SH2D6: variants seen among roughly 807,000 people sequenced by gnomAD.
SH2D6 encodes the protein SH2 domain-containing protein 6.
SH2D6 carries 31 observed loss-of-function variants against 30.2 expected under a neutral mutation model. The observed-to-expected ratio is 1.03, with a 90% CI of 0.77 to 1.38. The LOEUF (loss-of-function observed/expected upper bound fraction) is 1.38, where lower values mean the gene tolerates loss of function less well. SH2D6 is among the 40% of genes most tolerant of loss of function. SH2D6 has a pLI of 0.00. For synonymous variants in SH2D6, 93 were observed against 104.6 expected (o/e 0.89, Z 0.68); for missense variants, 240 against 266.8 (o/e 0.90, Z 0.70).
chr2:85,420,166 G>A (rs565294359), intron 2 of SH2D6, among the ~76,000 whole-genome samples: 19 of 152,182 alleles, frequency 1.2e-4, no homozygotes, highest in African/African-American at 3.1e-4. Context: ...GTGCAGTGGC[G>A]CAATCTCGGT....
intron 22 of SH2D6, 92 bp downstream of exon 22, chr2:85,435,916 T>C: frequency 7.1e-7 from 1 of 1,416,902 alleles, no homozygotes; most frequent in Non-Finnish European, 9.3e-7. Context: ...AAAATCTTCA[T>C]TTTGTATCTT....
intron 13 of SH2D6, among the ~76,000 whole-genome samples, chr2:85,431,683 C>G (rs999929802): frequency 3.3e-5 from 5 of 152,236 alleles, no homozygotes; most frequent in Non-Finnish European, 7.3e-5. Context: ...TTGAAAGCTA[C>G]TACCTTTATC....
intron 16 of SH2D6, 65 bp from the exon 17 acceptor site, chr2:85,433,968 C>T: frequency 7.2e-7 from 1 of 1,380,764 alleles, no homozygotes; most frequent in Non-Finnish European, 1.0e-6. Flanking sequence ...CTCAGCCCTG[C>T]CCTGGTCAGC....
chr2:85,431,049 C>G (rs1290784787), intron 12 of SH2D6, among the ~76,000 whole-genome samples, 161 bp from the exon 13 acceptor site: 3 of 152,130 alleles, frequency 2.0e-5, no homozygotes, highest in African/African-American at 7.2e-5. Context: ...GGGAAACTGC[C>G]CGCCTCCAGT....
At chr2:85,433,070 G>A (rs752805385) in intron 14 of SH2D6, 29 bp from the exon 15 acceptor site, 1 of 985,960 alleles carries the variant, frequency 1.0e-6, no homozygotes, top group Non-Finnish European at 1.2e-6. Flanking sequence ...TGCCGTGCAT[G>A]ACAGGTGGTT....
Position 85,433,124 on chromosome 2 carries a change from G to C in SH2D6, c.393+3G>C. ...AGCAGGGTGCATCGTCCAGAGTGGT[G>C]AGCAGCCCCTCCATTTCCACCTCAG... On this transcript the variant is annotated splice_donor_region_variant and intron_variant, in intron 15 of 23. Coordinates refer to ENST00000469800, the MANE Select transcript of SH2D6 (RefSeq NM_001394463.1). 1.0e-6 allele frequency: 1 copy of C among 985,992 alleles called. No homozygotes were observed. The highest frequency in any genetic ancestry group is 1.2e-6 in the Non-Finnish European group (1 of 830,026). The allele number at this position is 985,992 out of a possible 1,614,324, so 61.1% of individuals were successfully genotyped here. A position where few individuals can be genotyped will look rare whatever the true frequency, so the allele number is the denominator to read the frequency against.
chr2:85,436,136 C>G (rs1160132800), intron 22 of SH2D6, among the ~76,000 whole-genome samples: 5 of 152,228 alleles, frequency 3.3e-5, no homozygotes, highest in Non-Finnish European at 5.9e-5. Context: ...AATGTCGCAC[C>G]CAGCATTTGC....
chr2:85,420,412 G>C (rs1048464973), intron 2 of SH2D6, among the ~76,000 whole-genome samples: 1 of 152,212 alleles, frequency 6.6e-6, no homozygotes, highest in Non-Finnish European at 1.5e-5. Flanking sequence ...GAGCCACCGT[G>C]CCCGGACTGA....
At chr2:85,432,939 A>C in intron 14 of SH2D6, 160 bp from the exon 15 acceptor site, 3 of 386,262 alleles carry the variant, frequency 7.8e-6, no homozygotes, top group Non-Finnish European at 1.1e-5. Flanking sequence ...GAGAACCATC[A>C]GGGGATGAGA....
intron 14 of SH2D6, among the ~76,000 whole-genome samples, chr2:85,432,535 G>T (rs2104927664): frequency 6.6e-6 from 1 of 151,870 alleles, no homozygotes; most frequent in South Asian, 2.1e-4. Context: ...CGAGTAGCTG[G>T]GACTACAGGC....
intron 7 of SH2D6, among the ~76,000 whole-genome samples, chr2:85,429,118 T>G (rs1209907621): frequency 2.0e-5 from 3 of 152,260 alleles, no homozygotes; most frequent in Non-Finnish European, 4.4e-5. Context: ...CATGCTGTTT[T>G]TAATTGGATC....
At chr2:85,434,533 C>G in intron 19 of SH2D6, 36 bp downstream of exon 19, 3 of 1,549,380 alleles carry the variant, frequency 1.9e-6, no homozygotes, top group Non-Finnish European at 2.6e-6. Flanking sequence ...GTGAGTTATC[C>G]CAACTGATTG....
intron 2 of SH2D6, chr2:85,421,911 A>G (rs776813260): frequency 6.6e-6 from 1 of 152,168 alleles, no homozygotes; most frequent in African/African-American, 2.4e-5. Flanking sequence ...CCCACACCCA[A>G]CCTCACCTGT....
intron 22 of SH2D6, among the ~76,000 whole-genome samples, chr2:85,436,137 C>T (rs1689428712): frequency 6.6e-6 from 1 of 152,150 alleles, no homozygotes; most frequent in Non-Finnish European, 1.5e-5. Flanking sequence ...ATGTCGCACC[C>T]AGCATTTGCT....
In SH2D6 at chr2:85,424,952, G is replaced by C. The variant is rs1687924982; in HGVS notation, c.-308-356G>C. On this transcript the variant is annotated intron_variant, in intron 5 of 23. Transcript: ENST00000469800. ...ATGGTGATGCGCGCCTGTGGTCCCAGCTACTCAGGAGGCTGAAAAAGGAGA... is the reference window on the plus strand; with the variant it reads ...ATGGTGATGCGCGCCTGTGGTCCCACCTACTCAGGAGGCTGAAAAAGGAGA... 2.0e-5 allele frequency among the ~76,000 whole-genome samples: 3 copies of C among 152,190 alleles called. No homozygotes were observed. In the South Asian group the frequency reaches 6.2e-4, roughly 32 times the overall value.
chr2:85,423,412 T>C (rs966412995), intron 5 of SH2D6, among the ~76,000 whole-genome samples: 1 of 151,736 alleles, frequency 6.6e-6, no homozygotes, highest in Admixed American at 6.6e-5. Context: ...TTTGTATTTT[T>C]AGTAGAGATG....
Position 85,436,898 on chromosome 2 carries a change from A to G in SH2D6, c.*74A>G. The G allele has an allele frequency of 3.1e-6, 1 of 325,376 alleles. No homozygotes were observed. The highest frequency in any genetic ancestry group is 5.8e-6 in the Non-Finnish European group (1 of 170,944). The allele number at this position is 325,376 out of a possible 1,614,324, so 20.2% of individuals were successfully genotyped here. ...TGAAGGAACCGTGGTGGCCTAGACC[A>G]GTCAGGGGACAGCACAGGCACTGCT... On this transcript the variant is annotated 3_prime_UTR_variant, in exon 24 of 24. Coordinates refer to ENST00000469800, the MANE Select transcript of SH2D6 (RefSeq NM_001394463.1).
intron 19 of SH2D6, 35 bp from the exon 20 acceptor site, chr2:85,435,030 C>A: frequency 6.4e-7 from 1 of 1,550,780 alleles, no homozygotes; most frequent in Non-Finnish European, 8.7e-7. Context: ...CACCCCACCC[C>A]ACCCCACCCC....
chr2:85,435,011 G>GC, intron 19 of SH2D6, 54 bp from the exon 20 acceptor site: 3 of 932,132 alleles, frequency 3.2e-6, no homozygotes, highest in Non-Finnish European at 4.1e-6. Flanking sequence ...AGCCACCTTT[G>GC]CCCACCCCCA....
Sources: gnomAD v4.1 joint callset for allele counts (sites outside exome capture counted in the v4.1 genomes callset) on GRCh38, gnomAD v4.1.1 for gene constraint, MANE v1.5 for transcripts, NCBI Gene and HGNC (gene_info 2026-07-23, HGNC 2026-07-21) for gene names.